The following TMEM74 variants were observed in gnomAD, a reference collection of about 807,000 sequenced individuals.
The protein encoded by TMEM74 is transmembrane protein 74.
TMEM74 carries 13 observed loss-of-function variants against 18.1 expected under a neutral mutation model. The observed-to-expected ratio is 0.72, with a 90% CI of 0.47 to 1.14. The LOEUF (loss-of-function observed/expected upper bound fraction) is 1.14, where lower values mean the gene tolerates loss of function less well. Ranked by LOEUF, TMEM74 falls within the 50% of genes most tolerant of loss-of-function variation. The pLI, the probability that TMEM74 is intolerant of heterozygous loss-of-function variation, is 0.00. For synonymous variants in TMEM74, 159 were observed against 146.6 expected, an observed-to-expected ratio of 1.08 and a Z score of -0.61; for missense variants, 372 against 375.9, an observed-to-expected ratio of 0.99 and a Z score of 0.09.
At chr8:108,673,842 G>A (rs1452974956) in intron 1 of TMEM74, among the ~76,000 whole-genome samples, 4 of 152,180 alleles carry the variant, frequency 2.6e-5, no homozygotes, top group African/African-American at 9.6e-5. Flanking sequence ...GTGAGGAATA[G>A]TGGAACACTG....
At chr8:108,655,557 G>A (rs1304651711) in intron 1 of TMEM74, 2 of 152,076 alleles carry the variant, frequency 1.3e-5, no homozygotes, top group Non-Finnish European at 2.9e-5. Flanking sequence ...AATCATTGAT[G>A]GCAAAAAATT....
chr8:108,611,816 G>A (rs1383334755), intron 2 of TMEM74, among the ~76,000 whole-genome samples: 1 of 151,316 alleles, frequency 6.6e-6, no homozygotes, highest in African/African-American at 2.4e-5. Flanking sequence ...TTAAGGCACT[G>A]TATTAGTCTG....
At chr8:108,764,984 G>A (rs187269820) in intron 1 of TMEM74, among the ~76,000 whole-genome samples, 183 of 152,160 alleles carry the variant, frequency 1.2e-3, no homozygotes, top group African/African-American at 4.0e-3. Flanking sequence ...ACATTTTTAG[G>A]GCTCTGATGT....
chr8:108,729,826 C>G (rs1813676733), intron 1 of TMEM74, among the ~76,000 whole-genome samples: 1 of 152,164 alleles, frequency 6.6e-6, no homozygotes, highest in African/African-American at 2.4e-5. Flanking sequence ...AAGTCATTTT[C>G]TTAGCTTGTA....
chr8:108,742,017 G>C (rs1324407234), intron 1 of TMEM74, among the ~76,000 whole-genome samples: 3 of 152,114 alleles, frequency 2.0e-5, no homozygotes, highest in South Asian at 2.1e-4. Flanking sequence ...GGAGTTACAG[G>C]CTATTATCCT....
intron 2 of TMEM74, among the ~76,000 whole-genome samples, chr8:108,616,496 G>T (rs951670383): frequency 6.6e-6 from 1 of 152,156 alleles, no homozygotes; most frequent in Non-Finnish European, 1.5e-5. Context: ...TAGTGGAAAG[G>T]TTGGGAGAGA....
At chr8:108,692,558 T>A (rs1813241712) in intron 1 of TMEM74, among the ~76,000 whole-genome samples, 1 of 152,282 alleles carries the variant, frequency 6.6e-6, no homozygotes, top group African/African-American at 2.4e-5. Flanking sequence ...AATGAATGCA[T>A]TCTAGACCAG....
rs869263977 is a variant in TMEM74, at chr8:108,717,942, G to GTTTTT, written n.120-62510_120-62506dup. ...TTTCTAGTGATATGATCTGACTTAG[G>GTTTTT]TTTTTTTTTTTTTTTTTTTTTTTTT... On this transcript the variant is annotated intron_variant and non_coding_transcript_variant, in intron 1 of 3. Coordinates refer to the TMEM74 transcript ENST00000518838. Among the ~76,000 whole-genome samples, 154 of 45,936 alleles carry GTTTTT rather than the reference G, an allele frequency of 3.4e-3. 27 individuals carry two copies. The highest frequency in any genetic ancestry group is 4.4e-3 in the Non-Finnish European group (125 of 28,472). The allele number at this position is 45,936 out of a possible 152,430, so 30.1% of individuals were successfully genotyped here.
intron 1 of TMEM74, among the ~76,000 whole-genome samples, chr8:108,690,598 G>A (rs1813216377): frequency 6.6e-6 from 1 of 152,026 alleles, no homozygotes; most frequent in African/African-American, 2.4e-5. Flanking sequence ...GGCAGATCAC[G>A]AGGTCAGGAG....
chr8:108,659,279 A>G (rs193019205), intron 1 of TMEM74, among the ~76,000 whole-genome samples: 192 of 152,322 alleles, frequency 1.3e-3, no homozygotes, highest in Admixed American at 5.2e-3. Context: ...ACAGACACAC[A>G]TATGCACTGG....
chr8:108,723,667 C>T (rs1394443786), intron 1 of TMEM74, among the ~76,000 whole-genome samples: 5 of 151,970 alleles, frequency 3.3e-5, no homozygotes, highest in Non-Finnish European at 5.9e-5. Flanking sequence ...TACAGAAGCC[C>T]TAAATTTATT....
At chr8:108,626,140 A>C (rs1232515609) in intron 2 of TMEM74, among the ~76,000 whole-genome samples, 1 of 152,084 alleles carries the variant, frequency 6.6e-6, no homozygotes, top group African/African-American at 2.4e-5. Context: ...TAACTTGTCC[A>C]CTATTCTATT....
At position 108,724,083 on chromosome 8, in the gene TMEM74, G is replaced by A. The variant is rs143368215; in HGVS notation, n.119+63393C>T. 3.3e-5 allele frequency among the ~76,000 whole-genome samples: 5 copies of A among 152,220 alleles called. No homozygotes were observed. In the East Asian group the frequency reaches 7.7e-4, roughly 24 times the overall value. On this transcript the variant is annotated intron_variant and non_coding_transcript_variant, in intron 1 of 3. Coordinates refer to the TMEM74 transcript ENST00000518838. ...TGTACTTTCGAGGTCTTCATTATTT[G>A]CTTGATGATTGCTTCTAGTAAAGAT...
At chr8:108,660,209 G>A (rs568314389) in intron 1 of TMEM74, among the ~76,000 whole-genome samples, 2 of 152,140 alleles carry the variant, frequency 1.3e-5, no homozygotes, top group Non-Finnish European at 2.9e-5. Flanking sequence ...AGTCATCAAA[G>A]ACTGGCAATT....
At chr8:108,676,345 T>C (rs1403600507) in intron 1 of TMEM74, among the ~76,000 whole-genome samples, 1 of 152,182 alleles carries the variant, frequency 6.6e-6, no homozygotes, top group Non-Finnish European at 1.5e-5. Context: ...TACTTCTCTA[T>C]CTTCATCTCC....
chr8:108,660,750 C>T (rs1812892326), intron 1 of TMEM74, among the ~76,000 whole-genome samples: 1 of 152,068 alleles, frequency 6.6e-6, no homozygotes, highest in South Asian at 2.1e-4. Context: ...CATTGTGAAA[C>T]AGTTAGCCGT....
intron 1 of TMEM74, among the ~76,000 whole-genome samples, chr8:108,716,257 G>T (rs1296369108): frequency 6.6e-6 from 1 of 152,004 alleles, no homozygotes; most frequent in Non-Finnish European, 1.5e-5. Flanking sequence ...TATGCAATAT[G>T]TTCCATGATG....
chr8:108,657,431 T>A (rs942568997), intron 1 of TMEM74, among the ~76,000 whole-genome samples: 4 of 152,062 alleles, frequency 2.6e-5, no homozygotes, highest in Non-Finnish European at 5.9e-5. Flanking sequence ...GGATTAGTGC[T>A]ATGTTTGGGT....
chr8:108,618,161 T>C (rs540129243), intron 2 of TMEM74, among the ~76,000 whole-genome samples: 2 of 152,332 alleles, frequency 1.3e-5, no homozygotes, highest in East Asian at 1.9e-4. Flanking sequence ...GCCTTTGATA[T>C]ACTCCATGAT....
Sources: allele counts gnomAD v4.1 joint callset (sites outside exome capture counted in the v4.1 genomes callset), GRCh38; gene constraint gnomAD v4.1.1; transcripts MANE v1.5; gene names NCBI Gene and HGNC (gene_info 2026-07-23, HGNC 2026-07-21).